CCDC7: variants seen among roughly 807,000 people sequenced by gnomAD.
CCDC7 encodes coiled-coil domain-containing protein 7.
Under a neutral mutation model 196.9 loss-of-function variants are expected in CCDC7, and 183 were observed. That is an observed-to-expected ratio of 0.93 (90% CI 0.82 to 1.05). The LOEUF (loss-of-function observed/expected upper bound fraction) is 1.05, where lower values mean the gene tolerates loss of function less well. CCDC7 is among the 50% of genes least tolerant of loss of function. The probability of loss-of-function intolerance (pLI) is 0.00; values close to 1 mark genes in which losing one functional copy is unlikely to be tolerated. For missense variants in CCDC7, 1,540 were observed against 1,482.2 expected (o/e 1.04, Z -0.64); for synonymous variants, 525 against 484.6 (o/e 1.08, Z -1.10).
At chr10:32,524,014 G>A (rs1192372210) in intron 11 of CCDC7, among the ~76,000 whole-genome samples, 1 of 148,102 alleles carries the variant, frequency 6.8e-6, no homozygotes, top group Non-Finnish European at 1.5e-5. Flanking sequence ...ACTTGCTCCT[G>A]CCATTTTTTA....
chr10:32,698,313 C>G (rs1348653323), intron 24 of CCDC7, among the ~76,000 whole-genome samples: 1 of 152,142 alleles, frequency 6.6e-6, no homozygotes, highest in African/African-American at 2.4e-5. Flanking sequence ...GATCGCAGGT[C>G]CTTGCCAGCA....
intron 21 of CCDC7, among the ~76,000 whole-genome samples, chr10:32,671,526 T>C (rs1383401972): frequency 6.6e-6 from 1 of 152,200 alleles, no homozygotes; most frequent in Non-Finnish European, 1.5e-5. Context: ...TTTTCTAACT[T>C]GTCTGATCCT....
intron 18 of CCDC7, among the ~76,000 whole-genome samples, chr10:32,595,201 T>G (rs2060199115): frequency 6.6e-6 from 1 of 152,172 alleles, no homozygotes; most frequent in Admixed American, 6.5e-5. Flanking sequence ...GTTGGTAAGG[T>G]ATTAATTATT....
At chr10:32,731,188 A>AT (rs1037644899) in intron 28 of CCDC7, among the ~76,000 whole-genome samples, 4 of 152,154 alleles carry the variant, frequency 2.6e-5, no homozygotes, top group African/African-American at 7.2e-5. Context: ...GAAAGGGATC[A>AT]TCTCAGTCTC....
At chr10:32,552,179 T>C (rs1589792439) in intron 13 of CCDC7, among the ~76,000 whole-genome samples, 1 of 152,242 alleles carries the variant, frequency 6.6e-6, no homozygotes, top group Non-Finnish European at 1.5e-5. Context: ...TTGGCTGCTG[T>C]TGCTTTAAAG....
At chr10:32,829,206 A>G (rs2091833081) in intron 32 of CCDC7, among the ~76,000 whole-genome samples, 1 of 152,222 alleles carries the variant, frequency 6.6e-6, no homozygotes, top group Non-Finnish European at 1.5e-5. Flanking sequence ...AGCCCAATCC[A>G]GGCAGGACTA....
Position 32,835,478 on chromosome 10 carries a change from T to C in CCDC7, c.3352+580T>C, listed in dbSNP as rs2092529156. On this transcript the variant is annotated intron_variant, in intron 33 of 41. Coordinates refer to ENST00000639629, the Ensembl canonical transcript of CCDC7. ...CTAGATAAAGAAAAGTTGGTACATA[T>C]ACACCATAGAATACAATGCAGACAT... is the stretch of plus-strand genomic sequence containing the variant. 2.0e-5 allele frequency among the ~76,000 whole-genome samples: 3 copies of C among 152,086 alleles called. No individual in the cohort carries two copies. In the South Asian group the frequency reaches 6.2e-4, roughly 32 times the overall value.
intron 9 of CCDC7, chr10:32,513,346 A>T (rs1212017958): frequency 1.2e-4 from 18 of 152,312 alleles, no homozygotes; most frequent in Admixed American, 1.2e-3. Flanking sequence ...AGATTTAATT[A>T]GTAATTAACA....
chr10:32,481,418 G>C (rs1468199986), intron 8 of CCDC7, among the ~76,000 whole-genome samples: 1 of 151,832 alleles, frequency 6.6e-6, no homozygotes, highest in Admixed American at 6.6e-5. Flanking sequence ...GTGATTTGTT[G>C]ATATACTTTT....
At chr10:32,758,121 C>G (rs1029670801) in intron 28 of CCDC7, among the ~76,000 whole-genome samples, 1 of 151,938 alleles carries the variant, frequency 6.6e-6, no homozygotes, top group Non-Finnish European at 1.5e-5. Context: ...GCCTACCAAC[C>G]AAAAAAAGTC....
chr10:32,836,040 A>C, intron 33 of CCDC7, among the ~76,000 whole-genome samples: 1 of 152,110 alleles, frequency 6.6e-6, no homozygotes, highest in East Asian at 1.9e-4. Context: ...AGCTACAGTA[A>C]AGTTATTCAG....
At chr10:32,477,687 CTT>C (rs1438315429) in intron 8 of CCDC7, among the ~76,000 whole-genome samples, 1 of 151,916 alleles carries the variant, frequency 6.6e-6, no homozygotes, top group Admixed American at 6.6e-5. Flanking sequence ...TTTTTGGACT[CTT>C]TATTCTGTTT....
chr10:32,720,448 A>T (rs2082245473), intron 25 of CCDC7, among the ~76,000 whole-genome samples: 1 of 152,130 alleles, frequency 6.6e-6, no homozygotes, highest in Admixed American at 6.5e-5. Flanking sequence ...GGGGAGGGAT[A>T]GCATTAGGAG....
intron 29 of CCDC7, among the ~76,000 whole-genome samples, chr10:32,804,004 C>T (rs1663275862): frequency 6.6e-6 from 1 of 152,036 alleles, no homozygotes; most frequent in Non-Finnish European, 1.5e-5. Flanking sequence ...ATATAAATTT[C>T]CCACTAATAA....
intron 24 of CCDC7, among the ~76,000 whole-genome samples, chr10:32,702,701 C>T (rs1016818442): frequency 1.3e-5 from 2 of 152,116 alleles, no homozygotes; most frequent in African/African-American, 4.8e-5. Context: ...AATCTGGGTG[C>T]TCCTGTATTG....
At chr10:32,518,265 C>CT in intron 10 of CCDC7, 151 bp from the exon 12 acceptor site, 10 of 719,640 alleles carry the variant, frequency 1.4e-5, no homozygotes, top group Non-Finnish European at 1.5e-5. Flanking sequence ...CTTTCAGCTC[C>CT]AATTATTGTG....
At chr10:32,881,358 G>A (rs2094783888), downstream of CCDC7, among the ~76,000 whole-genome samples, 1 of 152,056 alleles carries the variant, frequency 6.6e-6, no homozygotes, top group Admixed American at 6.6e-5. Flanking sequence ...AATAGGTTGT[G>A]GGCATTAATT....
chr10:32,677,221 G>C, intron 21 of CCDC7, among the ~76,000 whole-genome samples: 1 of 122,950 alleles, frequency 8.1e-6, no homozygotes, highest in Admixed American at 8.9e-5. Flanking sequence ...GTTGTGGGGT[G>C]GGGGGAGGGG....
intron 8 of CCDC7, among the ~76,000 whole-genome samples, chr10:32,487,918 G>A (rs1198596986): frequency 6.6e-6 from 1 of 152,154 alleles, no homozygotes; most frequent in Admixed American, 6.5e-5. Context: ...TCCCATTTAG[G>A]CTACTCAGGG....
Sources: gnomAD v4.1 joint callset for allele counts (sites outside exome capture counted in the v4.1 genomes callset) on GRCh38, gnomAD v4.1.1 for gene constraint, MANE v1.5 for transcripts, NCBI Gene and HGNC (gene_info 2026-07-23, HGNC 2026-07-21) for gene names.